Variants in DNAH5 observed in about 807,000 individuals in gnomAD.
The protein encoded by DNAH5 is dynein axonemal heavy chain 5, also known as axonemal beta dynein heavy chain 5.
Under a neutral mutation model 518.2 loss-of-function variants are expected in DNAH5, and 372 were observed. The ratio of observed to expected loss-of-function variants is 0.72; its 90% CI spans 0.66 to 0.78. The LOEUF (loss-of-function observed/expected upper bound fraction) is 0.78. DNAH5 is among the 30% of genes least tolerant of loss of function. DNAH5 has a pLI of 0.00. For synonymous variants in DNAH5, 2,039 were observed against 2,025.9 expected (o/e 1.01, Z -0.17); for missense variants, 5,523 against 5,687.0 (o/e 0.97, Z 0.93).
chr5:13,922,143 G>A lies in DNAH5; in HGVS notation c.624C>T (p.Asn208=), dbSNP rs139640247. 2.3e-3 allele frequency: 3,679 copies of A among 1,614,092 alleles called. 10 individuals carry two copies. The highest frequency in any genetic ancestry group is 6.9e-3 in the Admixed American group (416 of 60,018). ...EFLSSLEGFV[N]VLSGAQESLK... is the part of the protein sequence containing the mutation. Reference sequence around the variant, plus strand: ...GACTCTCCTGTGCACCCGACAGGACGTTCACAAAGCCTTCCAGGGAGCTCA... The same window carrying A: ...GACTCTCCTGTGCACCCGACAGGACATTCACAAAGCCTTCCAGGGAGCTCA... The change falls in exon 5 of 79, where the codon AAC becomes AAT. Residue 208 remains asparagine (N), a synonymous_variant. Transcript: ENST00000265104.
Position 13,865,883 on chromosome 5 carries a change from C to A in DNAH5, c.4140G>T (p.Arg1380=), listed in dbSNP as rs1395122694. ...MFQNQFDNIY[R]KYITYTGGEE... ...CTCCTCCAGTATATGTGATGTATTT[C>A]CGATAGATATTATCAAATTGATTCT... The change falls in exon 27 of 79, where the codon CGG becomes CGT. Residue 1380 remains arginine, a synonymous_variant. Coordinates refer to ENST00000265104, the MANE Select transcript of DNAH5 (RefSeq NM_001369.3). 4 of 1,603,414 alleles carry A rather than the reference C, an allele frequency of 2.5e-6. No homozygotes were observed. The highest frequency in any genetic ancestry group is 1.7e-5 in the Admixed American group (1 of 59,990).
At chr5:13,971,533 T>C (rs1191553978) in intron 1 of DNAH5, among the ~76,000 whole-genome samples, 2 of 152,040 alleles carry the variant, frequency 1.3e-5, no homozygotes, top group African/African-American at 2.4e-5. Flanking sequence ...ACTGCAGTGA[T>C]TGTTATTTCT....
intron 75 of DNAH5, among the ~76,000 whole-genome samples, chr5:13,713,350 TATATATACTGACATATATATATACCGAC>T (rs1743810729): frequency 6.9e-6 from 1 of 144,096 alleles, no homozygotes; most frequent in African/African-American, 2.6e-5. Flanking sequence ...TATACCGACA[TATATATACTGACATATATATATACCGAC>T]ATATATATAT....
At chr5:13,889,862 C>G (rs899827119) in intron 17 of DNAH5, among the ~76,000 whole-genome samples, 22 of 152,150 alleles carry the variant, frequency 1.4e-4, no homozygotes, top group African/African-American at 5.3e-4. Context: ...TATGTCAGGG[C>G]AGTGCAACTA....
chr5:13,984,077 T>C (rs549253732), intron 1 of DNAH5, among the ~76,000 whole-genome samples: 3 of 152,044 alleles, frequency 2.0e-5, no homozygotes, highest in Non-Finnish European at 4.4e-5. Flanking sequence ...GGCTCTTAAA[T>C]GTGGAAGAGA....
At chr5:13,704,225 A>T (rs1202547766) in intron 76 of DNAH5, among the ~76,000 whole-genome samples, 2 of 152,214 alleles carry the variant, frequency 1.3e-5, no homozygotes, top group Non-Finnish European at 2.9e-5. Context: ...TAGGAAGCCC[A>T]GCCAGCCAGC....
At chr5:13,969,739 T>C (rs1418543915) in intron 1 of DNAH5, among the ~76,000 whole-genome samples, 1 of 152,228 alleles carries the variant, frequency 6.6e-6, no homozygotes, top group Non-Finnish European at 1.5e-5. Context: ...ATGGTCTATC[T>C]TGGAGAATGT....
At chr5:13,772,115 G>A (rs2126790886) in intron 55 of DNAH5, among the ~76,000 whole-genome samples, 1 of 152,252 alleles carries the variant, frequency 6.6e-6, no homozygotes, top group African/African-American at 2.4e-5. Context: ...TCAAGTCTAG[G>A]TACTGGAACC....
rs141698312 is a variant in DNAH5, at chr5:13,906,846, T to C, written c.1644+4540A>G. Reference sequence around the variant, plus strand: ...ATAGTGACCCTTCGTGGAAAAGATATAGACTTTCATGCACCTATTTTAAAG... The same window carrying C: ...ATAGTGACCCTTCGTGGAAAAGATACAGACTTTCATGCACCTATTTTAAAG... On this transcript the variant is annotated intron_variant, in intron 12 of 78. Transcript: ENST00000265104. Among the ~76,000 whole-genome samples, 444 of 152,242 alleles carry C rather than the reference T, an allele frequency of 2.9e-3. 5 individuals carry two copies. Among genetic ancestry groups the C allele is most frequent in the African/African-American group, 0.01 (417 of 41,562 alleles).
At position 13,837,487 on chromosome 5, in the gene DNAH5, GA is replaced by G. The variant is rs533119355; in HGVS notation, c.5882+1868del. ...GTTGGCTTTGGACAGCGAACCTGGA[GA>G]GAAAGCAGCTGCATGAGAACAGGCA... is the stretch of plus-strand genomic sequence containing the variant. On this transcript the variant is annotated intron_variant, in intron 35 of 78. Transcript: ENST00000265104. 7.2e-5 allele frequency among the ~76,000 whole-genome samples: 11 copies of G among 152,016 alleles called. No individual in the cohort carries two copies. The South Asian group carries it at 2.3e-3, about 32-fold the overall frequency.
chr5:13,795,062 G>C (rs2126920922), intron 47 of DNAH5, among the ~76,000 whole-genome samples: 1 of 152,198 alleles, frequency 6.6e-6, no homozygotes, highest in Non-Finnish European at 1.5e-5. Flanking sequence ...CGTGTAGAGG[G>C]AAATTTATAG....
chr5:13,801,957 C>CA lies in DNAH5; in HGVS notation c.7887+5633dup, dbSNP rs975759634. ...ATTTCTAGAGTAGCCATTTCTAAGC[C>CA]AAAAAAAAATCTCTCAGGATTATCA... is the stretch of plus-strand genomic sequence containing the variant. On this transcript the variant is annotated intron_variant, in intron 47 of 78. Coordinates refer to ENST00000265104, the MANE Select transcript of DNAH5 (RefSeq NM_001369.3). Among the ~76,000 whole-genome samples, 20 of 149,786 alleles carry CA rather than the reference C, an allele frequency of 1.3e-4. No homozygotes were observed. In the East Asian group the frequency reaches 2.2e-3, roughly 16 times the overall value.
intron 65 of DNAH5, among the ~76,000 whole-genome samples, chr5:13,742,055 T>C (rs766638522): frequency 2.0e-5 from 3 of 152,152 alleles, no homozygotes; most frequent in Non-Finnish European, 4.4e-5. Context: ...ATAATGCTTA[T>C]TGTAAAAATA....
At position 13,810,245 on chromosome 5, in the gene DNAH5, C is replaced by T. The variant is rs905571758; in HGVS notation, c.7423G>A (p.Val2475Met). ...AGCCGCCCCAGGTGAGCCTGGCTCACCTCCCCGCCTTGCTCCTGAGAAGGA... is the reference window on the plus strand; with the variant it reads ...AGCCGCCCCAGGTGAGCCTGGCTCATCTCCCCGCCTTGCTCCTGAGAAGGA... ...LIPLKEQGGE[V>M]SQAHLGRLFV... The change falls in exon 45 of 79, where the codon GTG (valine) becomes ATG (methionine). Residue 2475 changes from valine (V) to methionine (M), a missense_variant. Physicochemically the swap from Val to Met is conservative, Grantham distance 21 (BLOSUM62 1). Transcript: ENST00000265104. 1 of 1,550,524 alleles carries T rather than the reference C, an allele frequency of 6.4e-7. No individual in the cohort carries two copies. The highest frequency in any genetic ancestry group is 8.7e-7 in the Non-Finnish European group (1 of 1,146,878).
At chr5:13,912,417 G>GTA (rs140882792) in intron 11 of DNAH5, among the ~76,000 whole-genome samples, 233 of 150,186 alleles carry the variant, frequency 1.6e-3, no homozygotes, top group African/African-American at 4.0e-3. Flanking sequence ...GTGTGTGTAT[G>GTA]TATATATATA....
At position 13,862,561 on chromosome 5, in the gene DNAH5, G is replaced by A. The variant is rs945098046; in HGVS notation, c.4783C>T (p.Leu1595=). The stretch of plus-strand genomic sequence containing the variant: ...TGGTTTTCCCACCTGTTGCTCAGTA[G>A]GGATCCCAGCAACATCAAGCTGTCC... ...MEDSLMLLGS[L]LSNRYNMPFK... Residue 1595 remains leucine (L), a synonymous_variant, in exon 29 of 79, where the codon CTA becomes TTA. Coordinates refer to ENST00000265104, the MANE Select transcript of DNAH5 (RefSeq NM_001369.3). 3 of 1,613,770 alleles carry A rather than the reference G, an allele frequency of 1.9e-6. No individual in the cohort carries two copies. In the African/African-American group the frequency reaches 4.0e-5, roughly 22 times the overall value.
At chr5:13,722,753 C>G (rs557312694) in intron 70 of DNAH5, among the ~76,000 whole-genome samples, 8 of 152,256 alleles carry the variant, frequency 5.3e-5, no homozygotes, top group Non-Finnish European at 8.8e-5. Context: ...GACCATTTTA[C>G]TGTGGATCTC....
At chr5:13,848,865 G>A (rs1162510839) in intron 31 of DNAH5, among the ~76,000 whole-genome samples, 1 of 152,202 alleles carries the variant, frequency 6.6e-6, no homozygotes, top group Non-Finnish European at 1.5e-5. Flanking sequence ...ACCTTCTGCT[G>A]TGCAGCCCTG....
intron 1 of DNAH5, among the ~76,000 whole-genome samples, chr5:13,974,198 C>A (rs1236235928): frequency 6.8e-6 from 1 of 146,914 alleles, no homozygotes; most frequent in Non-Finnish European, 1.5e-5. Context: ...TGCAGTGGTG[C>A]GATCTTGGGT....
Sources: gnomAD v4.1 joint callset for allele counts (sites outside exome capture counted in the v4.1 genomes callset) on GRCh38, gnomAD v4.1.1 for gene constraint, MANE v1.5 for transcripts, NCBI Gene and HGNC (gene_info 2026-07-23, HGNC 2026-07-21) for gene names.